The following ZBTB44 variants were observed in gnomAD, a reference collection of about 807,000 sequenced individuals.
ZBTB44 encodes the protein zinc finger and BTB domain-containing protein 44.
A neutral mutation model predicts 54.0 loss-of-function variants in ZBTB44; 15 were observed. That is an observed-to-expected ratio of 0.28 (90% CI 0.19 to 0.43). ZBTB44 has a LOEUF of 0.43. Ranked by LOEUF, ZBTB44 falls within the 20% of genes least tolerant of loss-of-function variation. The probability of loss-of-function intolerance (pLI) is 1.00; values close to 1 mark genes in which losing one functional copy is unlikely to be tolerated. For missense variants in ZBTB44, 487 were observed against 707.1 expected (o/e 0.69, Z 3.53); for synonymous variants, 230 against 250.1 (o/e 0.92, Z 0.76).
intron 1 of ZBTB44, among the ~76,000 whole-genome samples, chr11:130,288,408 A>T (rs927474085): frequency 9.2e-5 from 14 of 152,012 alleles, no homozygotes; most frequent in Middle Eastern, 3.4e-3. Context: ...AAATAAAATA[A>T]AAAAATAACA....
At chr11:130,272,001 C>A (rs1425421973) in intron 1 of ZBTB44, among the ~76,000 whole-genome samples, 1 of 151,876 alleles carries the variant, frequency 6.6e-6, no homozygotes, top group Non-Finnish European at 1.5e-5. Context: ...GAGGTCGAGG[C>A]GGGTGGATTA....
intron 1 of ZBTB44, among the ~76,000 whole-genome samples, chr11:130,278,717 C>T (rs1053851816): frequency 6.6e-6 from 1 of 152,136 alleles, no homozygotes; most frequent in African/African-American, 2.4e-5. Context: ...AAGAGCACTG[C>T]TAGTGAATTT....
rs59112840 is a variant in ZBTB44 at position 130,276,242 on chromosome 11, A to AAAAAAAAAAAAAAAAAAAAAAAAAAAAG, written c.-56-14314_-56-14313insCTTTTTTTTTTTTTTTTTTTTTTTTTTT. 3.5e-4 allele frequency among the ~76,000 whole-genome samples: 33 copies of AAAAAAAAAAAAAAAAAAAAAAAAAAAAG among 94,434 alleles called. 3 individuals carry two copies. The highest frequency in any genetic ancestry group is 1.2e-3 in the African/African-American group (32 of 27,434). 62.0% of individuals were successfully genotyped at this position (94,434 alleles called of 152,430 possible). Reference sequence around the variant, plus strand: ...CGTGAAACTCTGTCTCAAAAAAAAAAAAAAGAAAAAAGAAATCAGAGGTTT... The same window carrying AAAAAAAAAAAAAAAAAAAAAAAAAAAAG: ...CGTGAAACTCTGTCTCAAAAAAAAAAAAAAAAAAAAAAAAAAAAAAAAAAAAAGAAAAGAAAAAAGAAATCAGAGGTTT... On this transcript the variant is annotated intron_variant, in intron 1 of 7. Transcript: ENST00000357899.
chr11:130,296,546 G>T, intron 1 of ZBTB44: 2 of 894,472 alleles, frequency 2.2e-6, no homozygotes, highest in South Asian at 1.5e-5. Flanking sequence ...TGTTCACTAT[G>T]ACCATCCGGA....
chr11:130,261,938 T>C lies in ZBTB44; in HGVS notation c.-56-9A>G, dbSNP rs1041127416. 2.7e-6 allele frequency: 4 copies of C among 1,455,108 alleles called. No individual in the cohort carries two copies. The highest frequency in any genetic ancestry group is 2.5e-5 in the Admixed American group (1 of 39,488). 90.1% of individuals were successfully genotyped at this position (1,455,108 alleles called of 1,614,324 possible). Reference sequence around the variant, plus strand: ...AATAAATCAGAAATGTCCTAAAAAATACATAAAATAAAGCATTAATTGATA... The same window carrying C: ...AATAAATCAGAAATGTCCTAAAAAACACATAAAATAAAGCATTAATTGATA... On this transcript the variant is annotated splice_polypyrimidine_tract_variant and intron_variant, in intron 1 of 7. Transcript: ENST00000357899. This position sits in a 1 kb window ranked among gnomAD's most constrained non-coding sequence, Gnocchi z 4.8.
At chr11:130,237,687 GA>G (rs1273887809) in intron 4 of ZBTB44, among the ~76,000 whole-genome samples, 1 of 152,134 alleles carries the variant, frequency 6.6e-6, no homozygotes, top group African/African-American at 2.4e-5. Flanking sequence ...GTGTTTTGGG[GA>G]AAAAATTTTA....
chr11:130,295,057 G>A (rs1592056135), intron 1 of ZBTB44, among the ~76,000 whole-genome samples: 1 of 151,826 alleles, frequency 6.6e-6, no homozygotes. Flanking sequence ...TCGTGATCTA[G>A]GCACTTCTTG....
At chr11:130,232,543 T>G (rs1953915244) in intron 7 of ZBTB44, 1 of 152,188 alleles carries the variant, frequency 6.6e-6, no homozygotes, top group Non-Finnish European at 1.5e-5. Flanking sequence ...ATAATTTTTT[T>G]CTCCCAGATT....
At chr11:130,308,060 G>T (rs974902716) in intron 1 of ZBTB44, among the ~76,000 whole-genome samples, 7 of 152,100 alleles carry the variant, frequency 4.6e-5, no homozygotes, top group Non-Finnish European at 1.0e-4. Flanking sequence ...CCTTTTCTAG[G>T]TTTAGATATG....
intron 5 of ZBTB44, chr11:130,236,141 CAT>C: frequency 1.6e-6 from 2 of 1,286,536 alleles, no homozygotes; most frequent in Non-Finnish European, 2.0e-6. Flanking sequence ...CAAGCTTTTT[CAT>C]GTGTAAAGTG....
chr11:130,273,611 C>G (rs1164940052), intron 1 of ZBTB44, among the ~76,000 whole-genome samples: 1 of 152,170 alleles, frequency 6.6e-6, no homozygotes, highest in Non-Finnish European at 1.5e-5. Flanking sequence ...CTACCTCCAG[C>G]CTGTTTTCTT....
intron 1 of ZBTB44, among the ~76,000 whole-genome samples, chr11:130,312,406 T>C (rs117110006): frequency 6.6e-6 from 1 of 152,354 alleles, no homozygotes; most frequent in East Asian, 1.9e-4. Context: ...TCCTATATTA[T>C]GCAACAGGAG....
At chr11:130,266,294 C>T (rs776480080) in intron 1 of ZBTB44, among the ~76,000 whole-genome samples, 3 of 152,142 alleles carry the variant, frequency 2.0e-5, no homozygotes, top group Admixed American at 6.5e-5. Flanking sequence ...CTGTTGAGGC[C>T]GACTGCTCAC....
chr11:130,230,639 T>TC lies in ZBTB44; in HGVS notation c.*1124_*1125insG, dbSNP rs1366372880. ...AATTACTTGAAATAAAAAGATTACT[T>TC]GAAATTCAAATTAAGAAAAATCCAT... On this transcript the variant is annotated 3_prime_UTR_variant, in exon 8 of 8. Transcript: ENST00000357899. The TC allele has an allele frequency of 6.6e-6, 1 of 151,588 alleles. No individual in the cohort carries two copies. Among genetic ancestry groups the TC allele is most frequent in the Non-Finnish European group, 1.5e-5 (1 of 67,804 alleles). 9.4% of individuals were successfully genotyped at this position (151,588 alleles called of 1,614,324 possible).
intron 1 of ZBTB44, among the ~76,000 whole-genome samples, chr11:130,301,283 T>C (rs765988241): frequency 6.6e-6 from 1 of 152,220 alleles, no homozygotes; most frequent in Non-Finnish European, 1.5e-5. Context: ...GCTTTACTCC[T>C]CTTTCAAGTT....
At chr11:130,242,891 TCTC>T (rs1325437654) in intron 2 of ZBTB44, among the ~76,000 whole-genome samples, 1 of 152,292 alleles carries the variant, frequency 6.6e-6, no homozygotes, top group Non-Finnish European at 1.5e-5. Flanking sequence ...TCCGCACCCT[TCTC>T]CTCTTTGCTA....
Position 130,280,107 on chromosome 11 carries a change from G to T in ZBTB44, c.-56-18178C>A, listed in dbSNP as rs927670731. Among the ~76,000 whole-genome samples the T allele has an allele frequency of 7.2e-5, 11 of 152,160 alleles. No individual in the cohort carries two copies. The East Asian group carries it at 2.1e-3, about 29-fold the overall frequency. On this transcript the variant is annotated intron_variant, in intron 1 of 7. Coordinates refer to ENST00000357899, the MANE Select transcript of ZBTB44 (RefSeq NM_001301098.2). Reference sequence around the variant, plus strand: ...CAATTTTTGTCCCAGTATTCTCAGGGTGTCAAGCCCAAAGTACAGCCTTCA... The same window carrying T: ...CAATTTTTGTCCCAGTATTCTCAGGTTGTCAAGCCCAAAGTACAGCCTTCA...
intron 1 of ZBTB44, among the ~76,000 whole-genome samples, chr11:130,286,276 T>C (rs1940954621): frequency 6.6e-6 from 1 of 152,228 alleles, no homozygotes; most frequent in Non-Finnish European, 1.5e-5. Flanking sequence ...AAAGTGACTG[T>C]GAAAATGACA....
chr11:130,313,962 ATATAT>A, intron 1 of ZBTB44, among the ~76,000 whole-genome samples: 1 of 133,782 alleles, frequency 7.5e-6, no homozygotes, highest in African/African-American at 2.9e-5. Context: ...ATATATATAT[ATATAT>A]TTTTTTAAAG....
Sources: allele counts gnomAD v4.1 joint callset (sites outside exome capture counted in the v4.1 genomes callset), GRCh38; gene constraint gnomAD v4.1.1; non-coding constraint Gnocchi (gnomAD v3.1); transcripts MANE v1.5; gene names NCBI Gene and HGNC (gene_info 2026-07-23, HGNC 2026-07-21).